The following ATP2B2 variants were observed in gnomAD, a reference collection of about 807,000 sequenced individuals.
The protein encoded by ATP2B2 is ATPase plasma membrane Ca2+ transporting 2, also known as plasma membrane calcium-transporting ATPase 2.
Under a neutral mutation model 120.0 loss-of-function variants are expected in ATP2B2, and 15 were observed. That is an observed-to-expected ratio of 0.12 (90% CI 0.08 to 0.19). The LOEUF (loss-of-function observed/expected upper bound fraction) is 0.19, where lower values mean the gene tolerates loss of function less well. ATP2B2 is among the 10% of genes least tolerant of loss of function. The pLI is 1.00. For missense variants in ATP2B2, 1,045 were observed against 1,719.8 expected (o/e 0.61, Z 6.94); for synonymous variants, 694 against 700.3 (o/e 0.99, Z 0.14).
chr3:10,359,213 A>G (rs2060825893), intron 13 of ATP2B2, among the ~76,000 whole-genome samples: 1 of 152,194 alleles, frequency 6.6e-6, no homozygotes, highest in African/African-American at 2.4e-5. Flanking sequence ...TCAGGCTAGT[A>G]GTTCTTGACC....
intron 1 of ATP2B2, among the ~76,000 whole-genome samples, chr3:10,663,916 T>C (rs1270067898): frequency 1.3e-5 from 2 of 152,190 alleles, no homozygotes; most frequent in East Asian, 3.9e-4. Context: ...TTTCCTGCTC[T>C]GTCCTTAGGA....
At chr3:10,459,735 G>A (rs1213078047) in intron 1 of ATP2B2, among the ~76,000 whole-genome samples, 1 of 152,252 alleles carries the variant, frequency 6.6e-6, no homozygotes, top group Non-Finnish European at 1.5e-5. Context: ...CATCATTCCT[G>A]CTAGGTGCTC....
intron 1 of ATP2B2, among the ~76,000 whole-genome samples, chr3:10,628,352 G>T (rs932098641): frequency 6.6e-6 from 1 of 152,026 alleles, no homozygotes; most frequent in African/African-American, 2.4e-5. Context: ...AGAGGCAATG[G>T]TGGCCAGACT....
chr3:10,428,126 G>A (rs543863997), intron 2 of ATP2B2, among the ~76,000 whole-genome samples: 40 of 152,276 alleles, frequency 2.6e-4, no homozygotes, highest in African/African-American at 8.9e-4. Flanking sequence ...GCCTTGCTGC[G>A]TATGGCCTGG....
At chr3:10,602,045 C>T (rs917151951) in intron 2 of ATP2B2, among the ~76,000 whole-genome samples, 4 of 152,222 alleles carry the variant, frequency 2.6e-5, no homozygotes, top group Admixed American at 6.5e-5. Flanking sequence ...GTCCTCCCCG[C>T]GCCTGCAGAG....
chr3:10,678,649 T>G (rs1222507992), intron 1 of ATP2B2, among the ~76,000 whole-genome samples: 2 of 152,156 alleles, frequency 1.3e-5, no homozygotes, highest in Non-Finnish European at 2.9e-5. Flanking sequence ...GAGCTTGTAC[T>G]CCCAACTCAG....
chr3:10,588,643 A>C (rs2068571091), intron 2 of ATP2B2, among the ~76,000 whole-genome samples: 1 of 152,156 alleles, frequency 6.6e-6, no homozygotes, highest in African/African-American at 2.4e-5. Context: ...GGAGGAAAGG[A>C]TCTCAACCCA....
In ATP2B2 at chr3:10,350,145, A is replaced by C. The variant is rs1209651936; in HGVS notation, c.2371T>G (p.Ser791Ala). Residue 791 changes from serine (S) to alanine (A), a missense_variant, in exon 16 of 23, where the codon TCC (serine) becomes GCC (alanine). Ser to Ala is a moderately conservative substitution (Grantham distance 99). Around this residue, in one of 11 missense-constraint regions of ATP2B2, gnomAD observed 98 missense variants for 266.7 expected, o/e 0.37. Coordinates refer to ENST00000360273, the MANE Select transcript of ATP2B2 (RefSeq NM_001001331.4). ...IWPKLRVLAR[S>A]SPTDKHTLVK... is the part of the protein sequence containing the mutation. ...AGGGTATGCTTGTCCGTTGGGGAGG[A>C]GCGAGCCAGCACCCGCAGCTTTGGC... 1 of 1,610,190 alleles carries C rather than the reference A, an allele frequency of 6.2e-7. No individual in the cohort carries two copies. Among genetic ancestry groups the C allele is most frequent in the African/African-American group, 1.4e-5 (1 of 73,590 alleles).
intron 1 of ATP2B2, among the ~76,000 whole-genome samples, chr3:10,481,285 C>A (rs2065400546): frequency 1.3e-5 from 2 of 152,216 alleles, no homozygotes; most frequent in Admixed American, 6.5e-5. Flanking sequence ...ATGAATCCAA[C>A]TGGCTGATCC....
intron 1 of ATP2B2, among the ~76,000 whole-genome samples, chr3:10,706,715 C>T (rs571557494): frequency 6.6e-6 from 1 of 151,776 alleles, no homozygotes; most frequent in Non-Finnish European, 1.5e-5. Context: ...ACAGTGAGAA[C>T]TTTAAGAATA....
intron 11 of ATP2B2, among the ~76,000 whole-genome samples, chr3:10,373,294 G>A (rs919681562): frequency 9.2e-5 from 14 of 152,334 alleles, no homozygotes; most frequent in African/African-American, 1.7e-4. Context: ...TCACACACCC[G>A]GAGGGGTTTA....
At chr3:10,475,060 C>G (rs140044038) in intron 1 of ATP2B2, among the ~76,000 whole-genome samples, 210 of 152,356 alleles carry the variant, frequency 1.4e-3, no homozygotes, top group African/African-American at 4.8e-3. Context: ...GGCTTCTGCA[C>G]TGAACAGACT....
intron 3 of ATP2B2, among the ~76,000 whole-genome samples, chr3:10,409,902 T>C (rs1483834053): frequency 6.6e-6 from 1 of 152,220 alleles, no homozygotes; most frequent in African/African-American, 2.4e-5. Context: ...TACAATATCC[T>C]ACTGACTGAA....
intron 2 of ATP2B2, among the ~76,000 whole-genome samples, chr3:10,557,582 G>C (rs1459681750): frequency 6.6e-6 from 1 of 152,236 alleles, no homozygotes; most frequent in Admixed American, 6.5e-5. Flanking sequence ...GGCCTCTTGG[G>C]AACAGAGGAG....
chr3:10,408,776 T>C (rs1169218145), intron 3 of ATP2B2, among the ~76,000 whole-genome samples: 1 of 152,140 alleles, frequency 6.6e-6, no homozygotes, highest in Non-Finnish European at 1.5e-5. Context: ...CGGTCCATGT[T>C]ACCCCTCCAC....
At chr3:10,677,932 C>T (rs1274930617) in intron 1 of ATP2B2, among the ~76,000 whole-genome samples, 1 of 152,180 alleles carries the variant, frequency 6.6e-6, no homozygotes, top group African/African-American at 2.4e-5. Context: ...GTTTGCTTCT[C>T]CCACAGCCCT....
intron 2 of ATP2B2, among the ~76,000 whole-genome samples, chr3:10,559,654 G>T (rs972345797): frequency 6.6e-6 from 1 of 152,136 alleles, no homozygotes; most frequent in African/African-American, 2.4e-5. Flanking sequence ...TTGCCTCCAA[G>T]CCCCCCGACT....
chr3:10,682,209 C>A (rs1461878907), intron 1 of ATP2B2, among the ~76,000 whole-genome samples: 1 of 152,196 alleles, frequency 6.6e-6, no homozygotes, highest in Non-Finnish European at 1.5e-5. Flanking sequence ...CATGGACTTT[C>A]CATCTGCCTC....
intron 22 of ATP2B2, among the ~76,000 whole-genome samples, 193 bp downstream of exon 22, chr3:10,337,983 G>A (rs895849369): frequency 2.6e-5 from 4 of 152,208 alleles, no homozygotes; most frequent in African/African-American, 9.6e-5. Flanking sequence ...ACCTCTCTGA[G>A]GAGGCCGTGC....
Sources: gnomAD v4.1 joint callset for allele counts (sites outside exome capture counted in the v4.1 genomes callset) on GRCh38, gnomAD v4.1.1 for gene constraint, gnomAD v4.1.1 regional missense constraint, MANE v1.5 for transcripts, NCBI Gene and HGNC (gene_info 2026-07-23, HGNC 2026-07-21) for gene names.